CIMIP2C: variants seen among roughly 807,000 people sequenced by gnomAD.
CIMIP2C encodes ciliary microtubule inner protein 2C, also known as UPF0573 protein C2orf70.
At chr2:26,576,669 C>T in the CIMIP2C span, among the ~76,000 whole-genome samples, 2 of 152,352 alleles carry the variant, frequency 1.3e-5, no homozygotes, top group African/African-American at 4.8e-5. Flanking sequence ...CCTCCCTGCC[C>T]TGCAGCCCCC....
At chr2:26,577,569 A>T in the CIMIP2C span, 1 of 1,614,146 alleles carries the variant, frequency 6.2e-7, no homozygotes. Flanking sequence ...CAGTGCCTCG[A>T]GTCCCCTACT....
chr2:26,571,281 C>T, the CIMIP2C span, among the ~76,000 whole-genome samples: 7 of 152,154 alleles, frequency 4.6e-5, no homozygotes, highest in Non-Finnish European at 8.8e-5. Context: ...CCAGGGGCTC[C>T]CCCTGCCCTG....
At chr2:26,577,855 G>T in the CIMIP2C span, 2 of 493,996 alleles carry the variant, frequency 4.0e-6, no homozygotes, top group African/African-American at 2.0e-5. Flanking sequence ...GTGCTTTCCC[G>T]GCCAGATGCA....
chr2:26,571,486 C>A, the CIMIP2C span, among the ~76,000 whole-genome samples: 1 of 152,340 alleles, frequency 6.6e-6, no homozygotes. Flanking sequence ...TCAGTAAACA[C>A]CGAGTGAGGA....
chr2:26,575,490 G>A, the CIMIP2C span, among the ~76,000 whole-genome samples: 1 of 152,136 alleles, frequency 6.6e-6, no homozygotes, highest in Admixed American at 6.5e-5. Context: ...CTGGTGTTCT[G>A]GCCCCTGTGT....
the CIMIP2C span, among the ~76,000 whole-genome samples, chr2:26,565,588 G>A: frequency 6.6e-6 from 1 of 152,140 alleles, no homozygotes; most frequent in Non-Finnish European, 1.5e-5. Context: ...AGTAAGAGAT[G>A]GACTCTGGAG....
chr2:26,565,609 T>A, the CIMIP2C span, among the ~76,000 whole-genome samples: 1 of 152,212 alleles, frequency 6.6e-6, no homozygotes. Context: ...CAAGCCTGCC[T>A]GGTACGAATC....
the CIMIP2C span, chr2:26,578,956 A>G: frequency 2.0e-6 from 1 of 488,482 alleles, no homozygotes; most frequent in Non-Finnish European, 4.2e-6. Context: ...CCTTGTCCAG[A>G]GCTTCACATG....
chr2:26,566,742 C>T, the CIMIP2C span, among the ~76,000 whole-genome samples: 2 of 152,184 alleles, frequency 1.3e-5, no homozygotes, highest in African/African-American at 2.4e-5. Flanking sequence ...TCCTTTGAGA[C>T]AGAGTCTTAC....
At chr2:26,569,832 G>A in the CIMIP2C span, among the ~76,000 whole-genome samples, 3 of 152,166 alleles carry the variant, frequency 2.0e-5, no homozygotes, top group Non-Finnish European at 1.5e-5. Context: ...CACAGCAAAT[G>A]CTGCCACTCG....
chr2:26,579,209 A>G, the CIMIP2C span: 2 of 1,529,296 alleles, frequency 1.3e-6, no homozygotes, highest in Non-Finnish European at 1.8e-6. Context: ...TGAGCTGGAA[A>G]GTGGGCACGT....
the CIMIP2C span, among the ~76,000 whole-genome samples, chr2:26,563,822 T>G: frequency 5.3e-4 from 80 of 152,322 alleles, no homozygotes; most frequent in African/African-American, 1.9e-3. Context: ...GGAGGCTGCA[T>G]GAGAAAGTAG....
At chr2:26,562,969 G>A in the CIMIP2C span, 4,392 of 464,638 alleles carry the variant, frequency 9.5e-3, 191 homozygotes, top group African/African-American at 0.08. Flanking sequence ...ATGTAGCCGG[G>A]GAAGGGGGAG....
the CIMIP2C span, among the ~76,000 whole-genome samples, chr2:26,574,899 C>T: frequency 2.6e-5 from 4 of 152,198 alleles, no homozygotes; most frequent in Non-Finnish European, 5.9e-5. Flanking sequence ...TCAAGGGCCT[C>T]ATGGAGCAGA....
the CIMIP2C span, chr2:26,577,701 T>C: frequency 2.8e-6 from 3 of 1,060,736 alleles, no homozygotes; most frequent in East Asian, 2.4e-5. Flanking sequence ...CGGCCAGGCA[T>C]GCACAGCACA....
the CIMIP2C span, chr2:26,572,232 C>T: frequency 8.8e-7 from 1 of 1,137,568 alleles, no homozygotes; most frequent in Non-Finnish European, 1.2e-6. Context: ...GGTTTTATAA[C>T]ATTTACATTC....
the CIMIP2C span, among the ~76,000 whole-genome samples, chr2:26,565,432 A>AAGTCAT: frequency 6.6e-6 from 1 of 152,172 alleles, no homozygotes; most frequent in Admixed American, 6.5e-5. Context: ...CAGATGAGGA[A>AAGTCAT]TGAGCAGCTT....
At chr2:26,566,750 T>C in the CIMIP2C span, among the ~76,000 whole-genome samples, 1 of 152,324 alleles carries the variant, frequency 6.6e-6, no homozygotes, top group East Asian at 1.9e-4. Context: ...GACAGAGTCT[T>C]ACTCTGTCAC....
chr2:26,571,299 C>T, the CIMIP2C span, among the ~76,000 whole-genome samples: 5 of 152,314 alleles, frequency 3.3e-5, no homozygotes, highest in East Asian at 9.7e-4. Flanking sequence ...CTGGGACTTT[C>T]CTCAAAGCCT....
Sources: gnomAD v4.1 joint callset for allele counts (sites outside exome capture counted in the v4.1 genomes callset) on GRCh38, gnomAD v4.1.1 for gene constraint, MANE v1.5 for transcripts, NCBI Gene and HGNC (gene_info 2026-07-23, HGNC 2026-07-21) for gene names.